CDKN2AIPNL: variants seen among roughly 807,000 people sequenced by gnomAD.
CDKN2AIPNL encodes XRN2 binding domain containing 1.
CDKN2AIPNL carries 9 observed loss-of-function variants against 12.9 expected under a neutral mutation model. The observed-to-expected ratio is 0.70, with a 90% CI of 0.42 to 1.22. CDKN2AIPNL has a LOEUF of 1.22. Ranked by LOEUF, CDKN2AIPNL falls within the 50% of genes most tolerant of loss-of-function variation. The pLI is 0.00. For synonymous variants in CDKN2AIPNL, 53 were observed against 61.7 expected (o/e 0.86, Z 0.66); for missense variants, 143 against 153.6 (o/e 0.93, Z 0.37).
chr5:134,402,875 A>C lies in CDKN2AIPNL; in HGVS notation c.*40T>G. 6.3e-7 allele frequency: 1 copy of C among 1,599,032 alleles called. No homozygotes were observed. Among genetic ancestry groups the C allele is most frequent in the South Asian group, 1.1e-5 (1 of 90,112 alleles). ...CACATTCATCCCAGCCTCCTTTCTAATCCTGTAGCTGATGATGAAAATGTG... is the reference window on the plus strand; with the variant it reads ...CACATTCATCCCAGCCTCCTTTCTACTCCTGTAGCTGATGATGAAAATGTG... On this transcript the variant is annotated 3_prime_UTR_variant, in exon 3 of 3. Transcript: ENST00000458198.
At position 134,411,612 on chromosome 5, in the gene CDKN2AIPNL, G is replaced by A; in HGVS notation, c.239+4C>T. On this transcript the variant is annotated splice_donor_region_variant and intron_variant, in intron 1 of 2. Transcript: ENST00000458198. ...AGGATCAGCCGGCCGGCAGGGGTCC[G>A]CACCTGCAGCCTAGGAAGAGATGGT... The A allele has an allele frequency of 6.2e-7, 1 of 1,609,358 alleles. No homozygotes were observed. Among genetic ancestry groups the A allele is most frequent in the Non-Finnish European group, 8.5e-7 (1 of 1,177,592 alleles).
At chr5:134,404,986 G>A (rs760838045) in intron 2 of CDKN2AIPNL, among the ~76,000 whole-genome samples, 3 of 151,482 alleles carry the variant, frequency 2.0e-5, no homozygotes, top group Non-Finnish European at 4.4e-5. Flanking sequence ...GTTTTGCCAT[G>A]TTGGCCAGGC....
intron 2 of CDKN2AIPNL, among the ~76,000 whole-genome samples, chr5:134,407,971 A>T (rs1759130607): frequency 6.6e-6 from 1 of 151,952 alleles, no homozygotes; most frequent in Non-Finnish European, 1.5e-5. Flanking sequence ...TCTCTACTAA[A>T]AATACAAAAA....
intron 1 of CDKN2AIPNL, among the ~76,000 whole-genome samples, chr5:134,410,386 A>G (rs1231782062): frequency 1.3e-5 from 2 of 152,022 alleles, no homozygotes; most frequent in African/African-American, 4.8e-5. Context: ...CCTCCTCCCA[A>G]AGTGCTAGGA....
chr5:134,407,053 A>G (rs1360133568), intron 2 of CDKN2AIPNL, among the ~76,000 whole-genome samples: 1 of 152,190 alleles, frequency 6.6e-6, no homozygotes, highest in East Asian at 1.9e-4. Flanking sequence ...TGGCCTCTAT[A>G]TAGGCTTCTT....
Position 134,402,889 on chromosome 5 carries a change from G to A in CDKN2AIPNL, c.*26C>T. Reference sequence around the variant, plus strand: ...CCTCCTTTCTAATCCTGTAGCTGATGATGAAAATGTGATAAATCTTCTGGC... The same window carrying A: ...CCTCCTTTCTAATCCTGTAGCTGATAATGAAAATGTGATAAATCTTCTGGC... On this transcript the variant is annotated 3_prime_UTR_variant, in exon 3 of 3. Coordinates refer to ENST00000458198, the MANE Select transcript of CDKN2AIPNL (RefSeq NM_080656.3). 6.2e-7 allele frequency: 1 copy of A among 1,606,752 alleles called. No homozygotes were observed. The highest frequency in any genetic ancestry group is 8.5e-7 in the Non-Finnish European group (1 of 1,177,024).
intron 1 of CDKN2AIPNL, 79 bp from the exon 2 acceptor site, chr5:134,410,081 A>G: frequency 2.0e-6 from 2 of 986,728 alleles, no homozygotes; most frequent in South Asian, 1.4e-5. Flanking sequence ...AGGTTGCTCA[A>G]CTATAAAATC....
chr5:134,408,892 G>GTA (rs1485952508), intron 2 of CDKN2AIPNL, among the ~76,000 whole-genome samples: 1 of 152,134 alleles, frequency 6.6e-6, no homozygotes, highest in Non-Finnish European at 1.5e-5. Context: ...CAAGTGGGGT[G>GTA]TACTATTTGG....
intron 2 of CDKN2AIPNL, among the ~76,000 whole-genome samples, chr5:134,404,668 T>C (rs551031964): frequency 1.8e-4 from 28 of 151,806 alleles, no homozygotes; most frequent in Admixed American, 5.9e-4. Flanking sequence ...ATTTGCACCA[T>C]CTTAGAATCA....
intron 2 of CDKN2AIPNL, among the ~76,000 whole-genome samples, chr5:134,403,380 G>A (rs1759056887): frequency 3.9e-5 from 6 of 152,184 alleles, no homozygotes; most frequent in Admixed American, 3.9e-4. Context: ...AACTGTAAAA[G>A]CTTGTCTTCA....
intron 2 of CDKN2AIPNL, among the ~76,000 whole-genome samples, chr5:134,409,305 G>GA (rs1382584246): frequency 2.6e-5 from 4 of 152,176 alleles, no homozygotes; most frequent in African/African-American, 9.7e-5. Context: ...AGGTGATTCT[G>GA]AAAAGTATTA....
chr5:134,402,990 A>G (rs1759051259), intron 2 of CDKN2AIPNL, 64 bp from the exon 3 acceptor site: 7 of 1,348,946 alleles, frequency 5.2e-6, no homozygotes, highest in Non-Finnish European at 7.3e-6. Flanking sequence ...ATTCATCTTC[A>G]TAAATTAAAA....
At chr5:134,410,238 C>T (rs1759171109) in intron 1 of CDKN2AIPNL, among the ~76,000 whole-genome samples, 1 of 152,104 alleles carries the variant, frequency 6.6e-6, no homozygotes, top group African/African-American at 2.4e-5. Context: ...CAGGTTCAAG[C>T]AATTCTCCTG....
rs1466341093 is a variant in CDKN2AIPNL at position 134,402,687 on chromosome 5, C to G, written c.*228G>C. ...ATGTTGATGAACTCATCTTAGAGTGCATGATTTATAAATACATAAATATCC... is the reference window on the plus strand; with the variant it reads ...ATGTTGATGAACTCATCTTAGAGTGGATGATTTATAAATACATAAATATCC... On this transcript the variant is annotated 3_prime_UTR_variant, in exon 3 of 3. Transcript: ENST00000458198. 2.4e-6 allele frequency: 1 copy of G among 418,270 alleles called. No homozygotes were observed. Among genetic ancestry groups the G allele is most frequent in the Non-Finnish European group, 4.3e-6 (1 of 235,206 alleles). The allele number at this position is 418,270 out of a possible 1,614,324, so 25.9% of individuals were successfully genotyped here. A position where few individuals can be genotyped will look rare whatever the true frequency, so the allele number is the denominator to read the frequency against.
intron 1 of CDKN2AIPNL, 71 bp from the exon 2 acceptor site, chr5:134,410,073 G>T: frequency 9.4e-7 from 1 of 1,062,912 alleles, no homozygotes; most frequent in Non-Finnish European, 1.4e-6. Flanking sequence ...GAAACTGCAG[G>T]TTGCTCAACT....
Position 134,409,895 on chromosome 5 carries a change from C to G in CDKN2AIPNL, c.339+8G>C, listed in dbSNP as rs756301316. On this transcript the variant is annotated splice_region_variant and intron_variant, in intron 2 of 2. Transcript: ENST00000458198. ...ATTTCATCACATGCACTTGGAAATC[C>G]TATTTACCTTTTTCATTAATTCACT... The G allele has an allele frequency of 5.7e-6, 9 of 1,579,278 alleles. No homozygotes were observed. In the East Asian group the frequency reaches 1.8e-4, roughly 31 times the overall value.
Position 134,402,225 on chromosome 5 carries a change from T to C in CDKN2AIPNL, c.*690A>G, listed in dbSNP as rs1561686678. ...AGTTCTTCTGCTTCAGCCTCCTGAGTAGCTGGGATTACAGATGTCCGCCAC... is the reference window on the plus strand; with the variant it reads ...AGTTCTTCTGCTTCAGCCTCCTGAGCAGCTGGGATTACAGATGTCCGCCAC... On this transcript the variant is annotated 3_prime_UTR_variant, in exon 3 of 3. Coordinates refer to ENST00000458198, the MANE Select transcript of CDKN2AIPNL (RefSeq NM_080656.3). 6.6e-6 allele frequency: 1 copy of C among 152,116 alleles called. No individual in the cohort carries two copies. The highest frequency in any genetic ancestry group is 1.5e-5 in the Non-Finnish European group (1 of 68,078). 9.4% of individuals were successfully genotyped at this position (152,116 alleles called of 1,614,324 possible).
rs1561686940 is a variant in CDKN2AIPNL at position 134,402,928 on chromosome 5, TG to T, written c.340-3del. 6.2e-7 allele frequency: 1 copy of T among 1,606,086 alleles called. No homozygotes were observed. Among genetic ancestry groups the T allele is most frequent in the Non-Finnish European group, 8.5e-7 (1 of 1,178,806 alleles). ...AAATCTTCTGGCTTAGCTTTGATGC[TG>T]GGAAAAAAAGAAAAGAAAAGGTTAC... On this transcript the variant is annotated splice_region_variant and splice_polypyrimidine_tract_variant and intron_variant, in intron 2 of 2. Coordinates refer to ENST00000458198, the MANE Select transcript of CDKN2AIPNL (RefSeq NM_080656.3).
chr5:134,407,749 CAA>C (rs1377931132), intron 2 of CDKN2AIPNL, among the ~76,000 whole-genome samples: 2 of 128,362 alleles, frequency 1.6e-5, no homozygotes, highest in Non-Finnish European at 3.3e-5. Context: ...GCCTGGGCAA[CAA>C]GAGCAAAACT....
Sources: allele counts gnomAD v4.1 joint callset (sites outside exome capture counted in the v4.1 genomes callset), GRCh38; gene constraint gnomAD v4.1.1; transcripts MANE v1.5; gene names NCBI Gene and HGNC (gene_info 2026-07-23, HGNC 2026-07-21).